Variants in DLGAP2 observed in about 807,000 individuals in gnomAD.
The protein encoded by DLGAP2 is disks large-associated protein 2.
A neutral mutation model predicts 100.3 loss-of-function variants in DLGAP2; 26 were observed. The observed-to-expected ratio is 0.26, with a 90% CI of 0.19 to 0.36. The LOEUF is 0.36. Among genes scored for constraint, DLGAP2 ranks in the 10% least tolerant of loss-of-function variants. The pLI is 1.00. For missense variants in DLGAP2, 1,858 were observed against 1,453.2 expected, an observed-to-expected ratio of 1.28 and a Z score of -4.53; for synonymous variants, 886 against 630.1, an observed-to-expected ratio of 1.41 and a Z score of -6.08.
chr8:914,499 A>C (rs1212630268), intron 2 of DLGAP2, among the ~76,000 whole-genome samples: 2 of 152,238 alleles, frequency 1.3e-5, no homozygotes, highest in African/African-American at 4.8e-5. Flanking sequence ...TTATTTCATG[A>C]GGCTTGCTTC....
intron 3 of DLGAP2, among the ~76,000 whole-genome samples, chr8:1,414,021 C>T (rs544513909): frequency 3.9e-5 from 6 of 152,308 alleles, no homozygotes; most frequent in Admixed American, 6.5e-5. Flanking sequence ...CTCAGGGCAC[C>T]GTGTGGACAC....
chr8:1,179,011 C>A (rs1238002406), intron 2 of DLGAP2, among the ~76,000 whole-genome samples: 1 of 152,222 alleles, frequency 6.6e-6, no homozygotes. Context: ...ATTTCGAGCC[C>A]CTGCTGTAAA....
intron 1 of DLGAP2, among the ~76,000 whole-genome samples, chr8:856,752 C>T (rs1481073020): frequency 6.6e-6 from 1 of 152,172 alleles, no homozygotes. Context: ...GGGAGGCACC[C>T]CATATCCCTG....
chr8:1,342,805 T>A (rs1296913883), intron 3 of DLGAP2, among the ~76,000 whole-genome samples: 1 of 152,238 alleles, frequency 6.6e-6, no homozygotes, highest in Admixed American at 6.5e-5. Flanking sequence ...TGCCTATTTG[T>A]CATTTCTCCT....
At chr8:1,558,868 TATACG>T in intron 5 of DLGAP2, among the ~76,000 whole-genome samples, 1 of 65,382 alleles carries the variant, frequency 1.5e-5, no homozygotes, top group Non-Finnish European at 4.4e-5. Flanking sequence ...CACATACACA[TATACG>T]TACTTTACAC....
intron 3 of DLGAP2, among the ~76,000 whole-genome samples, chr8:1,269,922 T>A (rs1404137541): frequency 6.6e-6 from 1 of 152,176 alleles, no homozygotes; most frequent in Non-Finnish European, 1.5e-5. Context: ...CTTCATCTCC[T>A]CTTCATGGAC....
At chr8:792,258 G>A (rs964669806) in intron 1 of DLGAP2, among the ~76,000 whole-genome samples, 10 of 152,268 alleles carry the variant, frequency 6.6e-5, no homozygotes, top group Middle Eastern at 3.4e-3. Flanking sequence ...TCGTGGCATT[G>A]TATTATTTTT....
At chr8:1,296,938 C>G (rs1458527709) in intron 3 of DLGAP2, 2 of 152,500 alleles carry the variant, frequency 1.3e-5, no homozygotes, top group Admixed American at 6.6e-5. Context: ...GGGTGGAGGT[C>G]ATTCAATCCC....
intron 3 of DLGAP2, among the ~76,000 whole-genome samples, chr8:1,354,323 T>G (rs1801799994): frequency 6.6e-6 from 1 of 152,098 alleles, no homozygotes. Flanking sequence ...CTGGGCAACA[T>G]GGCAAAACCC....
At chr8:918,166 C>A (rs1037485199) in intron 2 of DLGAP2, among the ~76,000 whole-genome samples, 1 of 152,142 alleles carries the variant, frequency 6.6e-6, no homozygotes, top group African/African-American at 2.4e-5. Context: ...CGAAGGCATT[C>A]TTTCTGGTCT....
intron 2 of DLGAP2, among the ~76,000 whole-genome samples, chr8:947,994 C>T (rs529895206): frequency 2.5e-4 from 37 of 147,768 alleles, no homozygotes; most frequent in African/African-American, 8.7e-4. Context: ...CCATGCCAGC[C>T]CGCGTGTGCG....
At chr8:1,217,579 C>G (rs1003459547) in intron 2 of DLGAP2, among the ~76,000 whole-genome samples, 3 of 152,056 alleles carry the variant, frequency 2.0e-5, no homozygotes, top group Non-Finnish European at 4.4e-5. Context: ...CTCTGATTTC[C>G]TTTAGCAGTT....
chr8:1,642,012 T>C (rs1439946920), intron 8 of DLGAP2, among the ~76,000 whole-genome samples: 7 of 30,510 alleles, frequency 2.3e-4, no homozygotes, highest in African/African-American at 7.9e-4. Context: ...CCGCTGGTCC[T>C]CACCTGTGTC....
chr8:1,022,645 C>T (rs1801661048), intron 2 of DLGAP2, among the ~76,000 whole-genome samples: 2 of 150,036 alleles, frequency 1.3e-5, no homozygotes, highest in South Asian at 4.3e-4. Context: ...AGCACCCACC[C>T]TCCCTGGGAG....
chr8:957,427 G>C (rs1017697614), intron 2 of DLGAP2, among the ~76,000 whole-genome samples: 1 of 152,200 alleles, frequency 6.6e-6, no homozygotes, highest in East Asian at 1.9e-4. Flanking sequence ...GGTTTAAAGC[G>C]TATTTTTCAC....
At chr8:801,305 C>T (rs1416569476) in intron 1 of DLGAP2, among the ~76,000 whole-genome samples, 1 of 152,210 alleles carries the variant, frequency 6.6e-6, no homozygotes, top group East Asian at 1.9e-4. Context: ...AGGAGATCAT[C>T]TGAGGAGTGC....
rs1804607217 is a variant in DLGAP2, at chr8:1,102,204, T to C, written c.74-156647T>C. Among the ~76,000 whole-genome samples the C allele has an allele frequency of 3.4e-5, 5 of 148,252 alleles. No individual in the cohort carries two copies. The South Asian group carries it at 8.4e-4, about 25-fold the overall frequency. On this transcript the variant is annotated intron_variant, in intron 2 of 14. Coordinates refer to ENST00000637795, the MANE Select transcript of DLGAP2 (RefSeq NM_001346810.2). ...ATTATATATAATATTGAATTACATA[T>C]TGAATATATATAATGAATATAGATT...
chr8:1,384,622 A>G (rs1388949330), intron 3 of DLGAP2, among the ~76,000 whole-genome samples: 5 of 141,720 alleles, frequency 3.5e-5, no homozygotes, highest in African/African-American at 1.4e-4. Context: ...GTGCACAGTT[A>G]CCCCGGCCTG....
At chr8:1,629,728 A>C (rs552608078) in intron 7 of DLGAP2, among the ~76,000 whole-genome samples, 20 of 152,398 alleles carry the variant, frequency 1.3e-4, no homozygotes, top group African/African-American at 4.8e-4. Flanking sequence ...AGGTTTAAAC[A>C]GAAGTGCAAA....
Sources: allele counts gnomAD v4.1 joint callset (sites outside exome capture counted in the v4.1 genomes callset), GRCh38; gene constraint gnomAD v4.1.1; transcripts MANE v1.5; gene names NCBI Gene and HGNC (gene_info 2026-07-23, HGNC 2026-07-21).